Variants in CUX1 observed in about 807,000 individuals in gnomAD.
The protein encoded by CUX1 is cut like homeobox 1, also known as protein CASP.
CUX1 carries 31 observed loss-of-function variants against 158.8 expected under a neutral mutation model. The ratio of observed to expected loss-of-function variants is 0.20; its 90% confidence interval spans 0.15 to 0.26. The LOEUF is 0.26. CUX1 is among the 10% of genes least tolerant of loss of function. The pLI, the probability that CUX1 is intolerant of heterozygous loss-of-function variation, is 1.00. For missense variants in CUX1, 1,589 were observed against 2,014.6 expected (o/e 0.79, Z 4.04); for synonymous variants, 879 against 862.1 (o/e 1.02, Z -0.34).
chr7:102,164,312 T>C (rs1445121613), intron 9 of CUX1, among the ~76,000 whole-genome samples: 1 of 152,218 alleles, frequency 6.6e-6, no homozygotes, highest in African/African-American at 2.4e-5. Context: ...CATGAGCTAC[T>C]GCGCCCGGCT....
chr7:102,253,825 T>A lies in CUX1; in HGVS notation c.*4783T>A, dbSNP rs548028529. ...ATGAGCGGTGGGCGTGCTGGGCTATTTGCTGTGGTACTTTAGGCTGGAGGT... is the reference window on the plus strand; with the variant it reads ...ATGAGCGGTGGGCGTGCTGGGCTATATGCTGTGGTACTTTAGGCTGGAGGT... On this transcript the variant is annotated 3_prime_UTR_variant, in exon 24 of 24. Coordinates refer to ENST00000292535, the MANE Select transcript of CUX1 (RefSeq NM_181552.4). The A allele has an allele frequency of 1.6e-4, 160 of 985,528 alleles. 1 individual carries two copies. In the South Asian group the frequency reaches 6.6e-3, roughly 41 times the overall value. The allele number at this position is 985,528 out of a possible 1,614,324, so 61.0% of individuals were successfully genotyped here. A position where few individuals can be genotyped will look rare whatever the true frequency, so the allele number is the denominator to read the frequency against.
chr7:101,915,052 T>G (rs1415114621), intron 1 of CUX1, among the ~76,000 whole-genome samples: 1 of 152,102 alleles, frequency 6.6e-6, no homozygotes, highest in African/African-American at 2.4e-5. Flanking sequence ...TCAGCTCTGC[T>G]TGGACTCAGG....
intron 2 of CUX1, among the ~76,000 whole-genome samples, chr7:101,977,854 T>C (rs951412573): frequency 6.6e-6 from 1 of 152,162 alleles, no homozygotes; most frequent in African/African-American, 2.4e-5. Context: ...ATCTTGCTTT[T>C]TAAGCATGGT....
At chr7:101,858,753 C>T (rs896973383) in intron 1 of CUX1, among the ~76,000 whole-genome samples, 44 of 151,030 alleles carry the variant, frequency 2.9e-4, no homozygotes, top group Non-Finnish European at 1.8e-4. Flanking sequence ...GCAACCTCCG[C>T]CTCCCAGGTT....
At position 102,256,428 on chromosome 7, in the gene CUX1, A is replaced by T; in HGVS notation, c.*7386A>T. 5.1e-6 allele frequency: 5 copies of T among 985,126 alleles called. No individual in the cohort carries two copies. The highest frequency in any genetic ancestry group is 6.0e-6 in the Non-Finnish European group (5 of 829,876). The allele number at this position is 985,126 out of a possible 1,614,324, so 61.0% of individuals were successfully genotyped here. On this transcript the variant is annotated 3_prime_UTR_variant, in exon 24 of 24. Coordinates refer to ENST00000292535, the MANE Select transcript of CUX1 (RefSeq NM_181552.4). The stretch of plus-strand genomic sequence containing the variant: ...GTTGTCATAAATGCTTTTTGCTGTC[A>T]CTCTAGTGGTTACTATCCTCTGCCT...
intron 2 of CUX1, among the ~76,000 whole-genome samples, chr7:102,020,301 G>C (rs1248138124): frequency 6.6e-6 from 1 of 152,178 alleles, no homozygotes; most frequent in Non-Finnish European, 1.5e-5. Context: ...ATGGTTATAT[G>C]GTTCATCTTC....
At chr7:101,975,382 C>T (rs1404602970) in intron 2 of CUX1, among the ~76,000 whole-genome samples, 2 of 151,494 alleles carry the variant, frequency 1.3e-5, no homozygotes, top group East Asian at 3.9e-4. Flanking sequence ...CTTATCTCTA[C>T]AAAAAATGAA....
intron 1 of CUX1, among the ~76,000 whole-genome samples, chr7:101,886,857 G>C (rs1455428036): frequency 6.6e-6 from 1 of 152,196 alleles, no homozygotes; most frequent in Non-Finnish European, 1.5e-5. Flanking sequence ...GAGCCCACGG[G>C]TGTTTTCTGG....
At chr7:101,856,474 C>G (rs1431918587) in intron 1 of CUX1, among the ~76,000 whole-genome samples, 1 of 152,178 alleles carries the variant, frequency 6.6e-6, no homozygotes, top group Non-Finnish European at 1.5e-5. Context: ...TAATGGAAGA[C>G]GAAGTGGACT....
rs1460658275 is a variant in CUX1, at chr7:102,275,449, G to A, written c.1563+90G>A. 26 of 1,064,284 alleles carry A rather than the reference G, an allele frequency of 2.4e-5. No individual in the cohort carries two copies. The South Asian group carries it at 3.6e-4, about 15-fold the overall frequency. 65.9% of individuals were successfully genotyped at this position (1,064,284 alleles called of 1,614,324 possible). On this transcript the variant is annotated intron_variant, in intron 17 of 22. Coordinates refer to the CUX1 transcript ENST00000292538. ...GCTTTCAGGAGAGAGATGTGGCACA[G>A]ACCGTAAACCTCAGGGGGAAGAGAT...
At chr7:101,830,946 C>T (rs2906747) in intron 1 of CUX1, among the ~76,000 whole-genome samples, 22,385 of 152,016 alleles carry the variant, frequency 0.15, 1,790 homozygotes, top group Non-Finnish European at 0.18. Flanking sequence ...TTGTTGGGGC[C>T]GTGCATCCAT....
At chr7:102,030,463 C>T (rs1239453438) in intron 3 of CUX1, among the ~76,000 whole-genome samples, 21 of 151,906 alleles carry the variant, frequency 1.4e-4, no homozygotes, top group Non-Finnish European at 2.9e-5. Context: ...GGAAGGCTCC[C>T]GAAGTTAAGG....
intron 20 of CUX1, among the ~76,000 whole-genome samples, chr7:102,281,314 G>A (rs973361812): frequency 6.6e-6 from 1 of 152,054 alleles, no homozygotes; most frequent in Non-Finnish European, 1.5e-5. Flanking sequence ...ATGCTACAGT[G>A]AGCTGTGACC....
intron 14 of CUX1, chr7:102,273,245 C>G (rs1791357227): frequency 7.5e-7 from 1 of 1,342,060 alleles, no homozygotes; most frequent in African/African-American, 1.4e-5. Context: ...GAATAGCCAG[C>G]ACTCTCACAG....
At chr7:102,002,142 A>G (rs1040963934) in intron 2 of CUX1, among the ~76,000 whole-genome samples, 1 of 152,050 alleles carries the variant, frequency 6.6e-6, no homozygotes. Context: ...AAAAATATAT[A>G]TTTTTTAAAA....
chr7:101,841,855 T>C (rs1376168488), intron 1 of CUX1, among the ~76,000 whole-genome samples: 14 of 152,178 alleles, frequency 9.2e-5, no homozygotes, highest in Admixed American at 9.2e-4. Flanking sequence ...CCACCACTCC[T>C]GGCCTTGAAT....
In CUX1 at chr7:102,210,392, C is replaced by T. The variant is rs187489469; in HGVS notation, c.3130+5222C>T. On this transcript the variant is annotated intron_variant, in intron 20 of 23. Transcript: ENST00000292535. ...GATTACAGGTGTAAGTCACCACACC[C>T]GGCCTTTTTTATTCTTTATTTCCAA... Among the ~76,000 whole-genome samples, 384 of 152,224 alleles carry T rather than the reference C, an allele frequency of 2.5e-3. 7 individuals are homozygous for T. The highest frequency in any genetic ancestry group is 0.022 in the Admixed American group (342 of 15,280).
chr7:101,869,559 T>G lies in CUX1; in HGVS notation c.31-46556T>G, dbSNP rs1584821487. On this transcript the variant is annotated intron_variant, in intron 1 of 23. Coordinates refer to ENST00000292535, the MANE Select transcript of CUX1 (RefSeq NM_181552.4). This position sits in a 1 kb window ranked among gnomAD's most constrained non-coding sequence, Gnocchi z 4.5. ...GCATTTGCGGGGCGCGGGAAGGGAG[T>G]GGCTGGTGGGGCGGGGGAGGGAAAC... is the stretch of plus-strand genomic sequence containing the variant. Among the ~76,000 whole-genome samples the G allele has an allele frequency of 5.3e-5, 7 of 132,122 alleles. No individual in the cohort carries two copies. The highest frequency in any genetic ancestry group is 8.0e-5 in the Non-Finnish European group (5 of 62,144). 86.7% of individuals were successfully genotyped at this position (132,122 alleles called of 152,430 possible). A position where few individuals can be genotyped will look rare whatever the true frequency, so the allele number is the denominator to read the frequency against.
chr7:101,897,389 T>C (rs1267458520), intron 1 of CUX1, among the ~76,000 whole-genome samples: 1 of 152,110 alleles, frequency 6.6e-6, no homozygotes, highest in Non-Finnish European at 1.5e-5. Context: ...TCGTGTCAGC[T>C]ACTTGAAAGG....
Sources: gnomAD v4.1 joint callset for allele counts (sites outside exome capture counted in the v4.1 genomes callset) on GRCh38, gnomAD v4.1.1 for gene constraint, Gnocchi (gnomAD v3.1) non-coding constraint, MANE v1.5 for transcripts, NCBI Gene and HGNC (gene_info 2026-07-23, HGNC 2026-07-21) for gene names.